The following ZNF775 variants were observed in gnomAD, a reference collection of about 807,000 sequenced individuals.
ZNF775 encodes zinc finger protein 775.
Under a neutral mutation model 2.4 loss-of-function variants are expected in ZNF775, and 1 was observed. That is an observed-to-expected ratio of 0.41 (90% CI 0.15 to 1.94). The LOEUF (loss-of-function observed/expected upper bound fraction) is 1.94, where lower values mean the gene tolerates loss of function less well. Ranked by LOEUF, ZNF775 falls within the 30% of genes most tolerant of loss-of-function variation. The probability of loss-of-function intolerance (pLI) is 0.30; values close to 1 mark genes in which losing one functional copy is unlikely to be tolerated. For synonymous variants in ZNF775, 381 were observed against 373.3 expected, an observed-to-expected ratio of 1.02 and a Z score of -0.24; for missense variants, 823 against 826.6, an observed-to-expected ratio of 1.00 and a Z score of 0.05.
intron 1 of ZNF775, among the ~76,000 whole-genome samples, chr7:150,381,484 A>G (rs1800360458): frequency 6.6e-6 from 1 of 152,114 alleles, no homozygotes; most frequent in Admixed American, 6.5e-5. Context: ...CAACGACCTA[A>G]ATCGAATTTG....
Position 150,398,100 on chromosome 7 carries a change from C to G in ZNF775, c.*5C>G, listed in dbSNP as rs1333526950. 3 of 1,544,938 alleles carry G rather than the reference C, an allele frequency of 1.9e-6. No homozygotes were observed. Among genetic ancestry groups the G allele is most frequent in the Non-Finnish European group, 2.6e-6 (3 of 1,149,706 alleles). On this transcript the variant is annotated 3_prime_UTR_variant, in exon 3 of 3. Transcript: ENST00000329630. ...CCCAAGGAGGAGGCGCGCTAGTGGA[C>G]TGGACCTCAGCGGACCCGTGGTGGT... is the stretch of plus-strand genomic sequence containing the variant.
chr7:150,388,829 C>T (rs1421700008), intron 2 of ZNF775, among the ~76,000 whole-genome samples: 1 of 152,206 alleles, frequency 6.6e-6, no homozygotes, highest in East Asian at 1.9e-4. Flanking sequence ...ACTAATTAGA[C>T]ACGGAAAACT....
At chr7:150,396,229 G>A (rs1800648350) in intron 2 of ZNF775, among the ~76,000 whole-genome samples, 1 of 152,160 alleles carries the variant, frequency 6.6e-6, no homozygotes, top group Admixed American at 6.5e-5. Context: ...GGGCACCCGA[G>A]TGATTCACTT....
rs1156240666 is a variant in ZNF775, at chr7:150,382,128, A to G, written c.-50+2736A>G. Among the ~76,000 whole-genome samples, 2 of 152,152 alleles carry G rather than the reference A, an allele frequency of 1.3e-5. No homozygotes were observed. Among genetic ancestry groups the G allele is most frequent in the Non-Finnish European group, 1.5e-5 (1 of 68,022 alleles). ...GGGCTCTGCAGACAGTGCCACAACC[A>G]GAGCCGTGGCAAACCCTCTTCCTCC... On this transcript the variant is annotated intron_variant, in intron 1 of 2. Transcript: ENST00000329630. The surrounding 1 kb of genome is among the most constrained non-coding windows in gnomAD (Gnocchi z 4.6).
At chr7:150,393,309 A>G (rs900269950) in intron 2 of ZNF775, among the ~76,000 whole-genome samples, 3 of 152,192 alleles carry the variant, frequency 2.0e-5, no homozygotes, top group African/African-American at 7.2e-5. Context: ...TTTTGACTTA[A>G]TAGCTTACTT....
At chr7:150,387,295 CAA>C (rs550286754) in intron 1 of ZNF775, among the ~76,000 whole-genome samples, 13 of 102,886 alleles carry the variant, frequency 1.3e-4, no homozygotes, top group South Asian at 3.3e-4. Context: ...GACTCTGTCT[CAA>C]AAAAAAAAAA....
intron 1 of ZNF775, chr7:150,380,279 C>A (rs1229447429): frequency 2.6e-5 from 4 of 152,172 alleles, no homozygotes; most frequent in Non-Finnish European, 5.9e-5. Context: ...ACTGAAATTT[C>A]TTTTATTTAA....
chr7:150,396,723 A>C lies in ZNF775; in HGVS notation c.242A>C (p.Asp81Ala), dbSNP rs764342956. The C allele has an allele frequency of 1.9e-6, 3 of 1,597,286 alleles. No individual in the cohort carries two copies. The East Asian group carries it at 6.8e-5, about 36-fold the overall frequency. The change falls in exon 3 of 3, where the codon GAT (aspartate) becomes GCT (alanine). Residue 81 changes from aspartate (D) to alanine (A), a missense_variant. Physicochemically the swap from Asp to Ala is moderately radical, Grantham distance 126. Coordinates refer to ENST00000329630, the MANE Select transcript of ZNF775 (RefSeq NM_173680.4). ...SPRWAPPTEQ[D>A]AGLAGRAPGS... ...AGGTGGGCCCCTCCCACTGAGCAGG[A>C]TGCGGGGCTGGCAGGCCGGGCTCCC...
In ZNF775 at chr7:150,396,988, G is replaced by A. The variant is rs775334094; in HGVS notation, c.507G>A (p.Ala169=). 1.9e-6 allele frequency: 3 copies of A among 1,596,510 alleles called. 1 individual carries two copies. Among genetic ancestry groups the A allele is most frequent in the East Asian group, 4.5e-5 (2 of 44,490 alleles). ...GACCCTTCTGCTGCCCCGAGTGCGC[G>A]CGGCGCTTCAGCCAGAAGCAGCACC... ...GERPFCCPEC[A]RRFSQKQHLL... The change falls in exon 3 of 3, where the codon GCG becomes GCA. Residue 169 remains alanine (A), a synonymous_variant. Coordinates refer to ENST00000329630, the MANE Select transcript of ZNF775 (RefSeq NM_173680.4).
chr7:150,393,130 G>A (rs903528783), intron 2 of ZNF775, among the ~76,000 whole-genome samples: 5 of 151,574 alleles, frequency 3.3e-5, no homozygotes, highest in South Asian at 2.1e-4. Context: ...CCTGTGCTCC[G>A]TCTGTTCATC....
At chr7:150,390,219 C>T (rs1035947097) in intron 2 of ZNF775, among the ~76,000 whole-genome samples, 4 of 151,576 alleles carry the variant, frequency 2.6e-5, no homozygotes, top group East Asian at 2.0e-4. Flanking sequence ...CCTGAACCCT[C>T]GGGAGTGTGC....
chr7:150,397,561 GC>G lies in ZNF775; in HGVS notation c.1083del (p.Gly362AlafsTer128). ...TGCTCAAGCACCTGCGCACGCACCT[GC>G]CCGGCGCCCAGGCTGCGCCCTGCCC... ...HLLKHLRTHLPGAQAAPCPSC... is the reference protein window; with the variant it reads ...HLLKHLRTHLXGAQAAPCPSC... On this transcript the variant is annotated frameshift_variant, in exon 3 of 3. Transcript: ENST00000329630. LOFTEE classifies it low-confidence loss of function (END_TRUNC). The G allele has an allele frequency of 6.6e-7, 1 of 1,516,868 alleles. No individual in the cohort carries two copies. Among genetic ancestry groups the G allele is most frequent in the African/African-American group, 1.4e-5 (1 of 69,714 alleles). The allele number at this position is 1,516,868 out of a possible 1,614,324, so 94.0% of individuals were successfully genotyped here. A position where few individuals can be genotyped will look rare whatever the true frequency, so the allele number is the denominator to read the frequency against.
chr7:150,396,689 G>C lies in ZNF775; in HGVS notation c.208G>C (p.Gly70Arg), dbSNP rs1800661575. ...AGCCCTGGGGGGACAGGAGGAGTCT[G>C]GGAGTCCAAGGTGGGCCCCTCCCAC... Reference protein sequence around the residue: ...PRALGGQEESGSPRWAPPTEQ... With the variant: ...PRALGGQEESRSPRWAPPTEQ... The change falls in exon 3 of 3, where the codon GGG becomes CGG. Residue 70 changes from glycine (G) to arginine (R), a missense_variant. Gly to Arg is a moderately radical substitution (Grantham distance 125, BLOSUM62 -2). Transcript: ENST00000329630. 2 of 1,606,674 alleles carry C rather than the reference G, an allele frequency of 1.2e-6. No individual in the cohort carries two copies. Among genetic ancestry groups the C allele is most frequent in the Non-Finnish European group, 1.7e-6 (2 of 1,177,396 alleles).
chr7:150,386,844 C>G (rs952879285), intron 1 of ZNF775, among the ~76,000 whole-genome samples: 5 of 152,202 alleles, frequency 3.3e-5, no homozygotes, highest in South Asian at 2.1e-4. Context: ...GTTACGGGCC[C>G]TCTGTGTGCC....
chr7:150,389,703 T>C (rs1366157957), intron 2 of ZNF775, among the ~76,000 whole-genome samples: 4 of 152,168 alleles, frequency 2.6e-5, no homozygotes, highest in Non-Finnish European at 4.4e-5. Flanking sequence ...CCTGTGGTTT[T>C]AGAGAAGAGT....
At position 150,384,195 on chromosome 7, in the gene ZNF775, C is replaced by T. The variant is rs1408613536; in HGVS notation, c.-49-4227C>T. Among the ~76,000 whole-genome samples, 1 of 152,242 alleles carries T rather than the reference C, an allele frequency of 6.6e-6. No individual in the cohort carries two copies. The highest frequency in any genetic ancestry group is 2.4e-5 in the African/African-American group (1 of 41,458). ...AAGGGGGCCCCTGTGTGTCCTGCTCCCCTCAGAGCCCGAGGGGCAGCAGAG... is the reference window on the plus strand; with the variant it reads ...AAGGGGGCCCCTGTGTGTCCTGCTCTCCTCAGAGCCCGAGGGGCAGCAGAG... On this transcript the variant is annotated intron_variant, in intron 1 of 2. Coordinates refer to ENST00000329630, the MANE Select transcript of ZNF775 (RefSeq NM_173680.4). The surrounding 1 kb of genome is among the most constrained non-coding windows in gnomAD (Gnocchi z 4.1).
chr7:150,389,084 C>T (rs924869800), intron 2 of ZNF775, among the ~76,000 whole-genome samples: 27 of 152,384 alleles, frequency 1.8e-4, no homozygotes, highest in African/African-American at 6.3e-4. Flanking sequence ...CCCCTGGCGT[C>T]TGTGTGTAGC....
intron 1 of ZNF775, 56 bp from the exon 2 acceptor site, chr7:150,388,366 A>G: frequency 7.1e-7 from 1 of 1,399,964 alleles, no homozygotes; most frequent in Non-Finnish European, 9.9e-7. Flanking sequence ...GGGGACCCTG[A>G]GTTTTGTCCT....
chr7:150,389,236 G>T lies in ZNF775; in HGVS notation c.31+735G>T, dbSNP rs561739235. ...CTGCCCTTTGGCACAGTGTGACTCG[G>T]GTTTCTTTACCTCCCTCTCCCCTCC... On this transcript the variant is annotated intron_variant, in intron 2 of 2. Transcript: ENST00000329630. Among the ~76,000 whole-genome samples, 4 of 152,290 alleles carry T rather than the reference G, an allele frequency of 2.6e-5. No homozygotes were observed. The East Asian group carries it at 7.7e-4, about 29-fold the overall frequency.
Sources: allele counts gnomAD v4.1 joint callset (sites outside exome capture counted in the v4.1 genomes callset), GRCh38; gene constraint gnomAD v4.1.1; non-coding constraint Gnocchi (gnomAD v3.1); transcripts MANE v1.5; gene names NCBI Gene and HGNC (gene_info 2026-07-23, HGNC 2026-07-21).